BCKDHB: variants seen among roughly 807,000 people sequenced by gnomAD.
The protein encoded by BCKDHB is 2-oxoisovalerate dehydrogenase subunit beta, mitochondrial.
BCKDHB carries 41 observed loss-of-function variants against 48.5 expected under a neutral mutation model. The observed-to-expected ratio is 0.85, with a 90% CI of 0.66 to 1.10. BCKDHB has a LOEUF of 1.10. Among genes scored for constraint, BCKDHB ranks in the 50% least tolerant of loss-of-function variants. The probability of loss-of-function intolerance (pLI) is 0.00; values close to 1 mark genes in which losing one functional copy is unlikely to be tolerated. For missense variants in BCKDHB, 496 were observed against 494.2 expected, an observed-to-expected ratio of 1.00 and a Z score of -0.03; for synonymous variants, 201 against 174.8, an observed-to-expected ratio of 1.15 and a Z score of -1.18.
At position 80,177,122 on chromosome 6, in the gene BCKDHB, A is replaced by G. The variant is rs181406076; in HGVS notation, c.742+5732A>G. Among the ~76,000 whole-genome samples, 262 of 148,760 alleles carry G rather than the reference A, an allele frequency of 1.8e-3. 1 individual carries two copies. Among genetic ancestry groups the G allele is most frequent in the African/African-American group, 6.2e-3 (248 of 40,216 alleles). On this transcript the variant is annotated intron_variant, in intron 6 of 9. Transcript: ENST00000320393. Reference sequence around the variant, plus strand: ...TGCGCCTGTGGTCCTAGCTACTTGGAAAGCTGAGGTGGGAGGATCACCTGC... The same window carrying G: ...TGCGCCTGTGGTCCTAGCTACTTGGGAAGCTGAGGTGGGAGGATCACCTGC...
chr6:80,430,074 AG>A, the BCKDHB span, among the ~76,000 whole-genome samples: 25 of 152,346 alleles, frequency 1.6e-4, no homozygotes, highest in African/African-American at 5.3e-4. Context: ...TTTAGCATGA[AG>A]GGCTGTTGAA....
the BCKDHB span, among the ~76,000 whole-genome samples, chr6:80,449,334 C>T: frequency 6.6e-6 from 1 of 152,098 alleles, no homozygotes; most frequent in African/African-American, 2.4e-5. Flanking sequence ...TCATTTAATA[C>T]ATTTGTGTTG....
rs776940885 is a variant in BCKDHB, at chr6:80,322,238, C to CTTTTTTTTTT, written c.1039-21418_1039-21409dup. Among the ~76,000 whole-genome samples, 121 of 116,590 alleles carry CTTTTTTTTTT rather than the reference C, an allele frequency of 1.0e-3. 1 individual carries two copies. The highest frequency in any genetic ancestry group is 1.5e-3 in the East Asian group (6 of 4,072). The allele number at this position is 116,590 out of a possible 152,430, so 76.5% of individuals were successfully genotyped here. A position where few individuals can be genotyped will look rare whatever the true frequency, so the allele number is the denominator to read the frequency against. ...CATAGGCGTTTTCTTTCTTTCTTTTCTTTTTTTTTTTTTTTTTGGTGACGG... is the reference window on the plus strand; with the variant it reads ...CATAGGCGTTTTCTTTCTTTCTTTTCTTTTTTTTTTTTTTTTTTTTTTTTTTTGGTGACGG... On this transcript the variant is annotated intron_variant, in intron 9 of 9. Coordinates refer to ENST00000320393, the MANE Select transcript of BCKDHB (RefSeq NM_183050.4).
rs537922001 is a variant in BCKDHB, at chr6:80,222,985, T to G, written c.951+19773T>G. Among the ~76,000 whole-genome samples the G allele has an allele frequency of 6.6e-5, 10 of 152,296 alleles. No homozygotes were observed. The South Asian group carries it at 2.1e-3, about 32-fold the overall frequency. On this transcript the variant is annotated intron_variant, in intron 8 of 9. Transcript: ENST00000320393. ...CATTAGAAGATGGGGAAAAGTTATG[T>G]TGATGAAGGTAGGGATGTTGGCAAG...
At chr6:80,250,184 T>C (rs564017864) in intron 8 of BCKDHB, among the ~76,000 whole-genome samples, 1 of 152,246 alleles carries the variant, frequency 6.6e-6, no homozygotes, top group African/African-American at 2.4e-5. Context: ...ACAGCCAATA[T>C]TCTTGATATT....
chr6:80,440,568 C>A, the BCKDHB span, among the ~76,000 whole-genome samples: 6 of 151,890 alleles, frequency 4.0e-5, no homozygotes, highest in Admixed American at 3.9e-4. Context: ...CCCACATGCC[C>A]ATGTTTGTTA....
the BCKDHB span, among the ~76,000 whole-genome samples, chr6:80,388,723 C>A: frequency 1.3e-5 from 2 of 152,118 alleles, no homozygotes; most frequent in African/African-American, 2.4e-5. Flanking sequence ...TGGGGAGTTC[C>A]CTAAAAGTTG....
chr6:80,203,573 G>A (rs2127827720), intron 8 of BCKDHB, among the ~76,000 whole-genome samples: 1 of 152,188 alleles, frequency 6.6e-6, no homozygotes, highest in South Asian at 2.1e-4. Context: ...GTTTAATTTA[G>A]TCAGGTAAAT....
chr6:80,445,277 T>G, the BCKDHB span, among the ~76,000 whole-genome samples: 1 of 152,242 alleles, frequency 6.6e-6, no homozygotes, highest in Non-Finnish European at 1.5e-5. Context: ...TGTACTCATT[T>G]TTTTATCCTC....
At chr6:80,432,468 G>A in the BCKDHB span, among the ~76,000 whole-genome samples, 4 of 151,860 alleles carry the variant, frequency 2.6e-5, no homozygotes, top group East Asian at 1.9e-4. Flanking sequence ...CCGCTTGTTC[G>A]ATTTGGCTAC....
At chr6:80,206,675 T>C (rs1020057493) in intron 8 of BCKDHB, among the ~76,000 whole-genome samples, 3 of 151,900 alleles carry the variant, frequency 2.0e-5, no homozygotes, top group Non-Finnish European at 4.4e-5. Context: ...ACTCAGTAGA[T>C]GATAGCAATA....
intron 8 of BCKDHB, among the ~76,000 whole-genome samples, chr6:80,271,742 T>C (rs1777753259): frequency 6.6e-6 from 1 of 151,996 alleles, no homozygotes; most frequent in Non-Finnish European, 1.5e-5. Context: ...AGTGGTCTGA[T>C]TCGGAGGTTG....
At chr6:80,216,836 T>C (rs1582377541) in intron 8 of BCKDHB, among the ~76,000 whole-genome samples, 1 of 152,248 alleles carries the variant, frequency 6.6e-6, no homozygotes, top group Non-Finnish European at 1.5e-5. Flanking sequence ...GAATTTCTTA[T>C]CTTTTCTATT....
chr6:80,418,383 G>T, the BCKDHB span, among the ~76,000 whole-genome samples: 2 of 152,118 alleles, frequency 1.3e-5, no homozygotes, highest in African/African-American at 4.8e-5. Flanking sequence ...GAGTTGTCAG[G>T]GTTCTTGTGC....
the BCKDHB span, among the ~76,000 whole-genome samples, chr6:80,360,586 T>C: frequency 6.6e-6 from 1 of 152,296 alleles, no homozygotes; most frequent in South Asian, 2.1e-4. Flanking sequence ...AGTGATGCCA[T>C]TTTTTTATTA....
intron 3 of BCKDHB, among the ~76,000 whole-genome samples, chr6:80,165,905 C>A (rs998425504): frequency 9.9e-5 from 15 of 152,144 alleles, no homozygotes; most frequent in African/African-American, 3.6e-4. Context: ...TTTTGGGGCT[C>A]CTCCATGCTG....
the BCKDHB span, among the ~76,000 whole-genome samples, chr6:80,373,633 T>A: frequency 6.6e-6 from 1 of 152,310 alleles, no homozygotes; most frequent in Non-Finnish European, 1.5e-5. Context: ...TGCATTGCTG[T>A]CTATCTCATC....
At chr6:80,399,026 G>T in the BCKDHB span, among the ~76,000 whole-genome samples, 1 of 151,964 alleles carries the variant, frequency 6.6e-6, no homozygotes, top group Non-Finnish European at 1.5e-5. Context: ...TTTCAATAGG[G>T]CAGAAAAGGC....
At chr6:80,374,637 C>T in the BCKDHB span, 10 of 506,500 alleles carry the variant, frequency 2.0e-5, no homozygotes, top group Non-Finnish European at 3.2e-5. Flanking sequence ...AGCATTTAGG[C>T]CATTTACATT....
Sources: gnomAD v4.1 joint callset for allele counts (sites outside exome capture counted in the v4.1 genomes callset) on GRCh38, gnomAD v4.1.1 for gene constraint, MANE v1.5 for transcripts, NCBI Gene and HGNC (gene_info 2026-07-23, HGNC 2026-07-21) for gene names.